Variants in TTC28 observed in about 807,000 individuals in gnomAD.
TTC28 encodes the protein tetratricopeptide repeat protein 28.
A neutral mutation model predicts 198.0 loss-of-function variants in TTC28; 61 were observed. The ratio of observed to expected loss-of-function variants is 0.31; its 90% CI spans 0.25 to 0.38. The LOEUF is 0.38. Ranked by LOEUF, TTC28 falls within the 10% of genes least tolerant of loss-of-function variation. The pLI, the probability that TTC28 is intolerant of heterozygous loss-of-function variation, is 1.00. For missense variants in TTC28, 2,678 were observed against 3,164.0 expected, an observed-to-expected ratio of 0.85 and a Z score of 3.69; for synonymous variants, 1,171 against 1,297.8, an observed-to-expected ratio of 0.90 and a Z score of 2.10.
Position 28,108,277 on chromosome 22 carries a change from G to A in TTC28, c.1568C>T (p.Ala523Val). ...QGRAYGNMGN[A>V]YNALGMYDQA... ...GTCGTACATGCCCAGGGCATTGTAG[G>A]CATTGCCCATATTCCCATAGGCACG... The change falls in exon 7 of 23, where the codon GCC becomes GTC. Residue 523 changes from alanine to valine, a missense_variant. Physicochemically the swap from Ala to Val is moderately conservative, Grantham distance 64. Transcript: ENST00000397906. 6.5e-7 allele frequency: 1 copy of A among 1,548,248 alleles called. No homozygotes were observed. The highest frequency in any genetic ancestry group is 8.7e-7 in the Non-Finnish European group (1 of 1,144,264).
intron 5 of TTC28, among the ~76,000 whole-genome samples, chr22:28,205,852 T>C (rs1229130640): frequency 3.3e-5 from 5 of 151,884 alleles, no homozygotes; most frequent in Non-Finnish European, 4.4e-5. Context: ...CTGGAAGAAG[T>C]AGCACATTGA....
chr22:28,123,171 C>T (rs1942830419), intron 6 of TTC28, among the ~76,000 whole-genome samples: 2 of 152,150 alleles, frequency 1.3e-5, no homozygotes, highest in Admixed American at 6.5e-5. Context: ...AGTATCAATG[C>T]TTCCCATCCT....
intron 5 of TTC28, among the ~76,000 whole-genome samples, chr22:28,282,184 T>A (rs1382777805): frequency 6.6e-6 from 1 of 152,212 alleles, no homozygotes; most frequent in Non-Finnish European, 1.5e-5. Context: ...GTTTGTTTTA[T>A]ATTTTGCCCA....
chr22:28,231,624 T>C (rs918622883), intron 5 of TTC28, among the ~76,000 whole-genome samples: 2 of 152,230 alleles, frequency 1.3e-5, no homozygotes, highest in African/African-American at 4.8e-5. Flanking sequence ...GTTAGCAGTT[T>C]ACACATGGCT....
chr22:28,269,883 G>C lies in TTC28; in HGVS notation c.933+26315C>G, dbSNP rs7288403. On this transcript the variant is annotated intron_variant, in intron 5 of 22. Transcript: ENST00000397906. ...TCTATAGTGAGAAGAGTGAAGGGAA[G>C]AAAGAAGCACAAGATAGAACACAAG... is the stretch of plus-strand genomic sequence containing the variant. 5.6e-3 allele frequency among the ~76,000 whole-genome samples: 853 copies of C among 152,236 alleles called. 12 individuals are homozygous for C. The highest frequency in any genetic ancestry group is 0.02 in the African/African-American group (824 of 41,538).
rs769668231 is a variant in TTC28, at chr22:27,982,685, A to G, written c.6982T>C (p.Ser2328Pro). The G allele has an allele frequency of 3.3e-5, 51 of 1,551,496 alleles. No individual in the cohort carries two copies. Among genetic ancestry groups the G allele is most frequent in the African/African-American group, 4.1e-5 (3 of 72,994 alleles). The part of the protein sequence containing the change: ...SAPSPALSYS[S>P]AGSARSSPAD... ...GGACTTGAGCGAGCAGATCCAGCTGAGGAGTAGGAGAGAGCTGGGGAGGGT... is the reference window on the plus strand; with the variant it reads ...GGACTTGAGCGAGCAGATCCAGCTGGGGAGTAGGAGAGAGCTGGGGAGGGT... Residue 2328 changes from serine to proline, a missense_variant, in exon 23 of 23, where the codon TCA (serine) becomes CCA (proline). This residue lies in a region of TTC28 where 622 missense variants were observed against 656.0 expected (regional missense o/e 0.95). Coordinates refer to ENST00000397906, the MANE Select transcript of TTC28 (RefSeq NM_001145418.2). The surrounding 1 kb of genome is among the most constrained non-coding windows in gnomAD (Gnocchi z 5.2).
chr22:28,507,054 G>A (rs1362554540), intron 2 of TTC28, among the ~76,000 whole-genome samples: 1 of 152,218 alleles, frequency 6.6e-6, no homozygotes, highest in African/African-American at 2.4e-5. Flanking sequence ...ACTGGGGTGA[G>A]GCTGAGATGG....
chr22:28,232,988 G>C (rs781097059), intron 5 of TTC28, among the ~76,000 whole-genome samples: 2 of 151,994 alleles, frequency 1.3e-5, no homozygotes, highest in African/African-American at 4.8e-5. Flanking sequence ...TGTAATCCCA[G>C]CTACTCGGGA....
chr22:28,411,468 C>T (rs2047080625), intron 2 of TTC28, among the ~76,000 whole-genome samples: 1 of 152,174 alleles, frequency 6.6e-6, no homozygotes, highest in Non-Finnish European at 1.5e-5. Flanking sequence ...TCTTATCCTT[C>T]CTGAGAAACT....
At chr22:28,561,812 CT>C (rs1166580416) in intron 2 of TTC28, among the ~76,000 whole-genome samples, 1 of 152,028 alleles carries the variant, frequency 6.6e-6, no homozygotes, top group East Asian at 1.9e-4. Flanking sequence ...TTCAGAAAGG[CT>C]TTTTTTTAAA....
chr22:27,988,653 G>C (rs1366100062), intron 21 of TTC28, among the ~76,000 whole-genome samples: 1 of 152,090 alleles, frequency 6.6e-6, no homozygotes, highest in Non-Finnish European at 1.5e-5. Context: ...GTAACAGTGA[G>C]GTCAGACAGT....
intron 15 of TTC28, chr22:28,000,714 TGTTTCAAAA>T (rs1937650958): frequency 6.6e-6 from 1 of 152,346 alleles, no homozygotes; most frequent in Admixed American, 6.5e-5. Flanking sequence ...GATTAAAGCT[TGTTTCAAAA>T]GTTTCTAATC....
intron 2 of TTC28, among the ~76,000 whole-genome samples, chr22:28,536,434 C>G (rs1027563145): frequency 4.6e-5 from 7 of 151,104 alleles, no homozygotes; most frequent in African/African-American, 1.5e-4. Context: ...ACCATCCTGG[C>G]TAACACGGTG....
At chr22:28,654,719 G>A (rs983524086) in intron 1 of TTC28, among the ~76,000 whole-genome samples, 1 of 152,018 alleles carries the variant, frequency 6.6e-6, no homozygotes, top group African/African-American at 2.4e-5. Flanking sequence ...TCACAAATTC[G>A]TCACTTCAAC....
chr22:28,348,563 T>C (rs531337562), intron 2 of TTC28, among the ~76,000 whole-genome samples: 3 of 152,186 alleles, frequency 2.0e-5, no homozygotes, highest in Non-Finnish European at 4.4e-5. Context: ...TGCAGCTCAG[T>C]TGAGCCAGAC....
In TTC28 at chr22:28,114,313, C is replaced by T. The variant is rs142757799; in HGVS notation, c.1442-5910G>A. On this transcript the variant is annotated intron_variant, in intron 6 of 22. Coordinates refer to ENST00000397906, the MANE Select transcript of TTC28 (RefSeq NM_001145418.2). The stretch of plus-strand genomic sequence containing the variant: ...TTCTAACCCTAGATATCTTTAGGTT[C>T]CCTGAACCCTCTCCTTCTCAAGTTT... Among the ~76,000 whole-genome samples the T allele has an allele frequency of 3.5e-3, 526 of 152,294 alleles. 1 individual carries two copies. The highest frequency in any genetic ancestry group is 6.9e-3 in the Admixed American group (106 of 15,300).
At chr22:28,182,487 G>A (rs984710479) in intron 5 of TTC28, among the ~76,000 whole-genome samples, 1 of 151,958 alleles carries the variant, frequency 6.6e-6, no homozygotes, top group African/African-American at 2.4e-5. Context: ...ACATATGAGA[G>A]GCAGAGAAAA....
At chr22:28,575,762 A>G (rs2050137383) in intron 2 of TTC28, among the ~76,000 whole-genome samples, 1 of 152,058 alleles carries the variant, frequency 6.6e-6, no homozygotes, top group African/African-American at 2.4e-5. Context: ...TATTATATGT[A>G]GCTATTGCAA....
intron 2 of TTC28, among the ~76,000 whole-genome samples, chr22:28,544,367 A>G (rs2049490375): frequency 6.6e-6 from 1 of 152,250 alleles, no homozygotes; most frequent in South Asian, 2.1e-4. Context: ...CAGATATAAA[A>G]GAAAGCATTT....
Sources: gnomAD v4.1 joint callset for allele counts (sites outside exome capture counted in the v4.1 genomes callset) on GRCh38, gnomAD v4.1.1 for gene constraint, gnomAD v4.1.1 regional missense constraint, Gnocchi (gnomAD v3.1) non-coding constraint, MANE v1.5 for transcripts, NCBI Gene and HGNC (gene_info 2026-07-23, HGNC 2026-07-21) for gene names.